The following GATB variants were observed in gnomAD, a reference collection of about 807,000 sequenced individuals.
GATB encodes the protein glutamyl-tRNA(Gln) amidotransferase subunit B, mitochondrial.
A neutral mutation model predicts 62.3 loss-of-function variants in GATB; 39 were observed. That is an observed-to-expected ratio of 0.63 (90% confidence interval 0.48 to 0.82). GATB has a LOEUF of 0.82. Among genes scored for constraint, GATB ranks in the 40% least tolerant of loss-of-function variants. GATB has a pLI of 0.00. For missense variants in GATB, 670 were observed against 684.0 expected, an observed-to-expected ratio of 0.98 and a Z score of 0.23; for synonymous variants, 276 against 258.9, an observed-to-expected ratio of 1.07 and a Z score of -0.63.
At chr4:151,694,383 C>T (rs567650697) in intron 9 of GATB, among the ~76,000 whole-genome samples, 1 of 152,176 alleles carries the variant, frequency 6.6e-6, no homozygotes, top group African/African-American at 2.4e-5. Context: ...CCCAGAGCAT[C>T]TTCCCCTCTG....
At chr4:151,692,764 T>C (rs1351798583) in intron 9 of GATB, among the ~76,000 whole-genome samples, 1 of 152,248 alleles carries the variant, frequency 6.6e-6, no homozygotes, top group African/African-American at 2.4e-5. Flanking sequence ...TGCACAGTCC[T>C]GAACAAGACA....
intron 12 of GATB, among the ~76,000 whole-genome samples, chr4:151,672,290 A>G (rs749579113): frequency 6.6e-6 from 1 of 152,190 alleles, no homozygotes; most frequent in Non-Finnish European, 1.5e-5. Flanking sequence ...TCCACAATTT[A>G]TGAATACTTT....
At chr4:151,754,189 G>C (rs1375181367) in intron 2 of GATB, among the ~76,000 whole-genome samples, 2 of 152,176 alleles carry the variant, frequency 1.3e-5, no homozygotes, top group African/African-American at 4.8e-5. Flanking sequence ...ATATGGTACA[G>C]GCTATGCTTT....
chr4:151,746,411 T>C (rs1226222800), intron 2 of GATB, among the ~76,000 whole-genome samples: 1 of 152,250 alleles, frequency 6.6e-6, no homozygotes, highest in Non-Finnish European at 1.5e-5. Flanking sequence ...AAAATTGGAA[T>C]GGTATTGTTA....
chr4:151,740,464 C>G (rs139195034), intron 2 of GATB, among the ~76,000 whole-genome samples: 2 of 152,286 alleles, frequency 1.3e-5, no homozygotes, highest in East Asian at 3.9e-4. Flanking sequence ...ATTTGTGTAT[C>G]TAAACATATT....
chr4:151,676,326 A>G (rs1187378100), intron 11 of GATB: 2 of 152,252 alleles, frequency 1.3e-5, no homozygotes, highest in African/African-American at 2.4e-5. Context: ...ATTATGGAAC[A>G]CTTGTGTGTT....
chr4:151,750,784 T>G (rs1280337227), intron 2 of GATB, among the ~76,000 whole-genome samples: 1 of 150,332 alleles, frequency 6.7e-6, no homozygotes, highest in African/African-American at 2.4e-5. Flanking sequence ...TACACCACCA[T>G]GCCCGACTTA....
chr4:151,722,396 G>A, intron 2 of GATB: 1 of 569,232 alleles, frequency 1.8e-6, no homozygotes, highest in Non-Finnish European at 3.1e-6. Context: ...GTGGATCTGT[G>A]GCATTCTGTT....
chr4:151,687,296 C>T (rs753872875), intron 10 of GATB, among the ~76,000 whole-genome samples: 9 of 152,234 alleles, frequency 5.9e-5, no homozygotes, highest in Non-Finnish European at 1.2e-4. Flanking sequence ...AGCTCGAAGT[C>T]AGCACGTCTG....
intron 8 of GATB, among the ~76,000 whole-genome samples, chr4:151,702,133 T>C (rs907238): frequency 0.94 from 143,677 of 152,336 alleles, 67,843 homozygotes; most frequent in East Asian, 1. Flanking sequence ...CATCCATATG[T>C]ATGCAGGACT....
chr4:151,699,571 C>CA (rs1405495785), intron 9 of GATB, among the ~76,000 whole-genome samples: 1 of 152,072 alleles, frequency 6.6e-6, no homozygotes, highest in Non-Finnish European at 1.5e-5. Flanking sequence ...AACACAAATA[C>CA]AAAAATGTCC....
intron 2 of GATB, among the ~76,000 whole-genome samples, chr4:151,749,889 T>C (rs766367127): frequency 2.0e-5 from 3 of 152,086 alleles, no homozygotes; most frequent in Non-Finnish European, 2.9e-5. Flanking sequence ...TTTTTGTGTT[T>C]TGTTTTTTTT....
chr4:151,674,328 G>A (rs1428135892), intron 11 of GATB: 2 of 152,260 alleles, frequency 1.3e-5, no homozygotes, highest in African/African-American at 2.4e-5. Context: ...GCTGCCAGCA[G>A]AAGCACTGGG....
At chr4:151,733,952 C>G (rs570134792) in intron 2 of GATB, among the ~76,000 whole-genome samples, 1 of 152,090 alleles carries the variant, frequency 6.6e-6, no homozygotes, top group Non-Finnish European at 1.5e-5. Context: ...CATAACTTAA[C>G]GTAATAAAAG....
chr4:151,750,645 T>C (rs1434278855), intron 2 of GATB, among the ~76,000 whole-genome samples: 3 of 151,954 alleles, frequency 2.0e-5, no homozygotes, highest in African/African-American at 4.8e-5. Flanking sequence ...TGCTACATTA[T>C]ATTTTTTTCT....
chr4:151,709,497 C>A (rs1342687306), intron 5 of GATB, among the ~76,000 whole-genome samples: 1 of 152,160 alleles, frequency 6.6e-6, no homozygotes, highest in Non-Finnish European at 1.5e-5. Flanking sequence ...TTCCTGACAC[C>A]GTGAGACTCT....
chr4:151,688,548 A>C lies in GATB; in HGVS notation c.1331+82T>G, dbSNP rs6535815. 0.51 allele frequency: 720,582 copies of C among 1,419,184 alleles called. 188,102 individuals are homozygous for C. Among genetic ancestry groups the C allele is most frequent in the African/African-American group, 0.78 (54,104 of 69,192 alleles). The allele number at this position is 1,419,184 out of a possible 1,614,324, so 87.9% of individuals were successfully genotyped here. On this transcript the variant is annotated intron_variant, in intron 10 of 12. Coordinates refer to ENST00000263985, the MANE Select transcript of GATB (RefSeq NM_004564.3). Reference sequence around the variant, plus strand: ...TATCCTGAGGGAGAACAGCAGGAGCAAAAAAATGGACCTGCCCTATTTCCA... The same window carrying C: ...TATCCTGAGGGAGAACAGCAGGAGCCAAAAAATGGACCTGCCCTATTTCCA...
chr4:151,731,961 GGGGGGTCAGCCCCTGCCC>G (rs1281516258), intron 2 of GATB, among the ~76,000 whole-genome samples: 2 of 111,412 alleles, frequency 1.8e-5, no homozygotes, highest in African/African-American at 3.8e-5. Context: ...GGAGGGAAGT[GGGGGGTCAGCCCCTGCCC>G]GGCCAGCCGC....
intron 2 of GATB, among the ~76,000 whole-genome samples, chr4:151,734,346 C>G (rs1264313011): frequency 8.4e-6 from 1 of 118,918 alleles, no homozygotes; most frequent in Non-Finnish European, 1.7e-5. Context: ...TTTAAAATAG[C>G]TGCCAAAAAA....
Sources: gnomAD v4.1 joint callset for allele counts (sites outside exome capture counted in the v4.1 genomes callset) on GRCh38, gnomAD v4.1.1 for gene constraint, MANE v1.5 for transcripts, NCBI Gene and HGNC (gene_info 2026-07-23, HGNC 2026-07-21) for gene names.